Variants in TRABD2B observed in about 807,000 individuals in gnomAD.
The protein encoded by TRABD2B is metalloprotease TIKI2.
TRABD2B carries 14 observed loss-of-function variants against 40.1 expected under a neutral mutation model. The ratio of observed to expected loss-of-function variants is 0.35; its 90% confidence interval spans 0.23 to 0.55. TRABD2B has a LOEUF of 0.55. Among genes scored for constraint, TRABD2B ranks in the 20% least tolerant of loss-of-function variants. The probability of loss-of-function intolerance (pLI) is 0.90; values close to 1 mark genes in which losing one functional copy is unlikely to be tolerated. For missense variants in TRABD2B, 541 were observed against 648.6 expected, an observed-to-expected ratio of 0.83 and a Z score of 1.80; for synonymous variants, 263 against 277.0, an observed-to-expected ratio of 0.95 and a Z score of 0.50.
At chr1:47,957,781 C>T (rs1282613285) in intron 2 of TRABD2B, among the ~76,000 whole-genome samples, 4 of 152,336 alleles carry the variant, frequency 2.6e-5, no homozygotes, top group Non-Finnish European at 5.9e-5. Context: ...TTGGAAAACA[C>T]TCTGCAGGAT....
In TRABD2B at chr1:47,996,820, C is replaced by T; in HGVS notation, c.-31G>A. The T allele has an allele frequency of 1.7e-6, 2 of 1,177,000 alleles. No homozygotes were observed. The highest frequency in any genetic ancestry group is 2.1e-6 in the Non-Finnish European group (2 of 952,772). 72.9% of individuals were successfully genotyped at this position (1,177,000 alleles called of 1,614,324 possible). On this transcript the variant is annotated 5_prime_UTR_variant, in exon 1 of 7. Coordinates refer to ENST00000606738, the MANE Select transcript of TRABD2B (RefSeq NM_001194986.2). The surrounding 1 kb of genome is among the most constrained non-coding windows in gnomAD (Gnocchi z 4.6). ...CAGGGCCCGCGGGGCGCGGGGGACC[C>T]TCCTGGGCGGCGCCCCTCAGCGGGG...
At chr1:47,931,360 T>C (rs1173285651) in intron 2 of TRABD2B, among the ~76,000 whole-genome samples, 1 of 152,120 alleles carries the variant, frequency 6.6e-6, no homozygotes, top group Non-Finnish European at 1.5e-5. Context: ...CCAGCAGCCA[T>C]ACCCCACCTT....
chr1:47,763,452 A>C lies in TRABD2B; in HGVS notation c.*2450T>G, dbSNP rs989499155. 6.6e-6 allele frequency: 1 copy of C among 152,194 alleles called. No homozygotes were observed. The highest frequency in any genetic ancestry group is 2.1e-4 in the South Asian group (1 of 4,826). The allele number at this position is 152,194 out of a possible 1,614,324, so 9.4% of individuals were successfully genotyped here. The stretch of plus-strand genomic sequence containing the variant: ...GGGATCTGGGAAAGACTAAGGCTGA[A>C]TCTTCCTGAAGTTAGGGGCCAGGAC... On this transcript the variant is annotated 3_prime_UTR_variant, in exon 7 of 7. Coordinates refer to ENST00000606738, the MANE Select transcript of TRABD2B (RefSeq NM_001194986.2).
At chr1:47,806,786 C>G (rs1215849476) in intron 2 of TRABD2B, among the ~76,000 whole-genome samples, 1 of 152,182 alleles carries the variant, frequency 6.6e-6, no homozygotes, top group Non-Finnish European at 1.5e-5. Context: ...CCTAGATGGG[C>G]TGGAATGGTA....
rs116015807 is a variant in TRABD2B, at chr1:47,917,400, C to G, written c.666+76634G>C. Among the ~76,000 whole-genome samples the G allele has an allele frequency of 7.6e-3, 1,161 of 152,244 alleles. 26 individuals carry two copies. Among genetic ancestry groups the G allele is most frequent in the African/African-American group, 0.027 (1,123 of 41,538 alleles). On this transcript the variant is annotated intron_variant, in intron 2 of 6. Transcript: ENST00000606738. ...TATTACCTCTGTCACTCATGGGACACTCCTCCCAAGTTCTAATGGGCTAGA... is the reference window on the plus strand; with the variant it reads ...TATTACCTCTGTCACTCATGGGACAGTCCTCCCAAGTTCTAATGGGCTAGA...
chr1:47,977,107 C>G (rs1272337790), intron 2 of TRABD2B, among the ~76,000 whole-genome samples: 1 of 143,794 alleles, frequency 7.0e-6, no homozygotes, highest in South Asian at 2.2e-4. Flanking sequence ...GAGTCTTGCT[C>G]TGTTGCTCAG....
At chr1:47,838,822 A>G (rs1326672990) in intron 2 of TRABD2B, among the ~76,000 whole-genome samples, 1 of 152,136 alleles carries the variant, frequency 6.6e-6, no homozygotes, top group Non-Finnish European at 1.5e-5. Flanking sequence ...GACCAAGAAG[A>G]GAGGAGGAAA....
intron 2 of TRABD2B, among the ~76,000 whole-genome samples, chr1:47,961,194 C>T (rs1357935385): frequency 6.6e-6 from 1 of 152,192 alleles, no homozygotes; most frequent in Non-Finnish European, 1.5e-5. Flanking sequence ...TTCCTTACAC[C>T]TTATACAAAA....
chr1:47,797,959 AAT>A (rs1457587734), intron 3 of TRABD2B, among the ~76,000 whole-genome samples: 1 of 152,044 alleles, frequency 6.6e-6, no homozygotes, highest in Non-Finnish European at 1.5e-5. Context: ...CTAATAGTCA[AAT>A]GCTCAGGTCT....
chr1:47,968,420 C>T (rs1223761315), intron 2 of TRABD2B, among the ~76,000 whole-genome samples: 1 of 152,170 alleles, frequency 6.6e-6, no homozygotes, highest in Non-Finnish European at 1.5e-5. Context: ...GAGTGAGCTG[C>T]CACAAAGGGA....
At chr1:47,936,429 G>C (rs1270188711) in intron 2 of TRABD2B, among the ~76,000 whole-genome samples, 1 of 152,134 alleles carries the variant, frequency 6.6e-6, no homozygotes, top group Non-Finnish European at 1.5e-5. Flanking sequence ...GCAGGTATGA[G>C]GGCAAAGGGC....
At chr1:47,952,046 T>C (rs1488319705) in intron 2 of TRABD2B, among the ~76,000 whole-genome samples, 1 of 152,196 alleles carries the variant, frequency 6.6e-6, no homozygotes, top group African/African-American at 2.4e-5. Context: ...CAGCGACTTC[T>C]ATTGCAGAAG....
chr1:47,830,400 T>C (rs1645233091), intron 2 of TRABD2B, among the ~76,000 whole-genome samples: 2 of 152,184 alleles, frequency 1.3e-5, no homozygotes, highest in South Asian at 4.1e-4. Flanking sequence ...AGAAATGAAG[T>C]GACTTCGTAA....
At chr1:47,947,666 G>C (rs932396933) in intron 2 of TRABD2B, among the ~76,000 whole-genome samples, 2 of 152,132 alleles carry the variant, frequency 1.3e-5, no homozygotes, top group African/African-American at 2.4e-5. Flanking sequence ...ATGGCCCATA[G>C]AGTGAATAAA....
chr1:47,807,775 A>G (rs1644912248), intron 2 of TRABD2B, among the ~76,000 whole-genome samples: 1 of 152,224 alleles, frequency 6.6e-6, no homozygotes, highest in African/African-American at 2.4e-5. Flanking sequence ...CAGGATATCA[A>G]GAAAAGTAAA....
At chr1:47,832,839 G>A (rs1645268696) in intron 2 of TRABD2B, among the ~76,000 whole-genome samples, 2 of 152,208 alleles carry the variant, frequency 1.3e-5, no homozygotes, top group African/African-American at 2.4e-5. Context: ...GGGGAGGCAC[G>A]GGAGCTTGTG....
chr1:47,775,071 C>T (rs1174546548), intron 6 of TRABD2B, 99 bp downstream of exon 6: 2 of 1,158,598 alleles, frequency 1.7e-6, no homozygotes, highest in Admixed American at 4.2e-5. Context: ...TAGAGCAGGG[C>T]TGGCCTGACG....
At chr1:47,995,874 G>A (rs1015531981) in intron 1 of TRABD2B, among the ~76,000 whole-genome samples, 1 of 152,212 alleles carries the variant, frequency 6.6e-6, no homozygotes, top group Non-Finnish European at 1.5e-5. Flanking sequence ...CCTTGCCCAA[G>A]GTCAGCGAAT....
In TRABD2B at chr1:47,895,428, G is replaced by A. The variant is rs1166819513; in HGVS notation, c.667-93809C>T. 2.0e-5 allele frequency among the ~76,000 whole-genome samples: 3 copies of A among 152,160 alleles called. No individual in the cohort carries two copies. In the East Asian group the frequency reaches 5.8e-4, roughly 29 times the overall value. Reference sequence around the variant, plus strand: ...ACAACCTTGATGCCTGGCAGTGGGTGCCCTGGGACTGCCCAGCCTGGACCC... The same window carrying A: ...ACAACCTTGATGCCTGGCAGTGGGTACCCTGGGACTGCCCAGCCTGGACCC... On this transcript the variant is annotated intron_variant, in intron 2 of 6. Coordinates refer to ENST00000606738, the MANE Select transcript of TRABD2B (RefSeq NM_001194986.2).
Sources: gnomAD v4.1 joint callset for allele counts (sites outside exome capture counted in the v4.1 genomes callset) on GRCh38, gnomAD v4.1.1 for gene constraint, Gnocchi (gnomAD v3.1) non-coding constraint, MANE v1.5 for transcripts, NCBI Gene and HGNC (gene_info 2026-07-23, HGNC 2026-07-21) for gene names.